The following LZTFL1 variants were observed in gnomAD, a reference collection of about 807,000 sequenced individuals.
LZTFL1 encodes leucine zipper transcription factor like 1, also known as leucine zipper transcription factor-like protein 1.
LZTFL1 carries 25 observed loss-of-function variants against 45.9 expected under a neutral mutation model. That is an observed-to-expected ratio of 0.54 (90% CI 0.40 to 0.76). The LOEUF (loss-of-function observed/expected upper bound fraction) is 0.76, where lower values mean the gene tolerates loss of function less well. Among genes scored for constraint, LZTFL1 ranks in the 30% least tolerant of loss-of-function variants. LZTFL1 has a pLI of 0.00. For missense variants in LZTFL1, 277 were observed against 331.1 expected, an observed-to-expected ratio of 0.84 and a Z score of 1.27; for synonymous variants, 93 against 117.4, an observed-to-expected ratio of 0.79 and a Z score of 1.35.
At chr3:45,876,201 G>C (rs1463542599) in intron 2 of LZTFL1, among the ~76,000 whole-genome samples, 2 of 152,192 alleles carry the variant, frequency 1.3e-5, no homozygotes, top group Non-Finnish European at 2.9e-5. Flanking sequence ...CAGGGACATA[G>C]GACAGCTCAA....
chr3:45,915,053 C>T (rs1702871271), intron 1 of LZTFL1, among the ~76,000 whole-genome samples: 1 of 152,202 alleles, frequency 6.6e-6, no homozygotes, highest in Admixed American at 6.5e-5. Context: ...ACCTCTGAGG[C>T]AGAGGAACAA....
At chr3:45,855,029 C>T (rs1194255545) in exon 4 of LZTFL1, 1 of 1,535,312 alleles carries the variant, frequency 6.5e-7, no homozygotes, top group Non-Finnish European at 8.7e-7. Context: ...GGAAAAGTCA[C>T]CAAAGGGTGG....
rs72884914 is a variant in LZTFL1, at chr3:45,890,412, G to A, written c.-215+22708C>T. Among the ~76,000 whole-genome samples the A allele has an allele frequency of 5.3e-3, 672 of 127,640 alleles. 19 individuals are homozygous for A. Among genetic ancestry groups the A allele is most frequent in the African/African-American group, 0.02 (639 of 32,386 alleles). The allele number at this position is 127,640 out of a possible 152,430, so 83.7% of individuals were successfully genotyped here. A position where few individuals can be genotyped will look rare whatever the true frequency, so the allele number is the denominator to read the frequency against. ...ATTGATATCTCAAAAATCAACCTCC[G>A]TATTCCCCAAGCTGTAATAAAATAA... On this transcript the variant is annotated intron_variant, in intron 2 of 4. Transcript: ENST00000472635.
intron 3 of LZTFL1, among the ~76,000 whole-genome samples, chr3:45,857,969 T>G (rs992750932): frequency 6.6e-6 from 1 of 152,240 alleles, no homozygotes; most frequent in African/African-American, 2.4e-5. Context: ...TTTTTCAAAT[T>G]GGTTAATCAT....
At chr3:45,858,159 A>G (rs34326463) in intron 3 of LZTFL1, among the ~76,000 whole-genome samples, 9,391 of 152,316 alleles carry the variant, frequency 0.062, 498 homozygotes, top group South Asian at 0.27. Flanking sequence ...AGAAGAATAA[A>G]TAAGTATATG....
At chr3:45,886,467 CT>C (rs1701984047) in intron 2 of LZTFL1, 2 of 152,228 alleles carry the variant, frequency 1.3e-5, no homozygotes, top group Admixed American at 6.5e-5. Flanking sequence ...CCCTCTTGGG[CT>C]ACCCCACCAG....
At chr3:45,880,713 G>A (rs373595875) in intron 2 of LZTFL1, among the ~76,000 whole-genome samples, 2 of 151,982 alleles carry the variant, frequency 1.3e-5, no homozygotes, top group East Asian at 3.9e-4. Context: ...CCTGCCAACT[G>A]TTCCCTCTGC....
intron 4 of LZTFL1, among the ~76,000 whole-genome samples, chr3:45,852,843 A>G (rs916977698): frequency 2.0e-5 from 3 of 152,178 alleles, no homozygotes; most frequent in African/African-American, 7.2e-5. Context: ...GCTCACCCCA[A>G]TCAAGGCACC....
intron 2 of LZTFL1, among the ~76,000 whole-genome samples, chr3:45,875,002 G>T (rs1701727873): frequency 6.6e-6 from 1 of 152,194 alleles, no homozygotes; most frequent in African/African-American, 2.4e-5. Context: ...AAGGTTAGTT[G>T]AAGAACTTCT....
At chr3:45,850,620 T>C (rs1244026958) in intron 4 of LZTFL1, among the ~76,000 whole-genome samples, 1 of 152,242 alleles carries the variant, frequency 6.6e-6, no homozygotes, top group Non-Finnish European at 1.5e-5. Flanking sequence ...CAGCTTCCAG[T>C]GACTGCCTTG....
At chr3:45,828,841 G>A (rs1238019959) in intron 7 of LZTFL1, among the ~76,000 whole-genome samples, 1 of 152,170 alleles carries the variant, frequency 6.6e-6, no homozygotes, top group Non-Finnish European at 1.5e-5. Flanking sequence ...CCGACACTCA[G>A]TAGCCACTGA....
At chr3:45,890,348 A>ATATTT (rs1184589760) in intron 2 of LZTFL1, among the ~76,000 whole-genome samples, 1 of 5,374 alleles carries the variant, frequency 1.9e-4, no homozygotes, top group Non-Finnish European at 2.9e-4. Flanking sequence ...ATATATATAT[A>ATATTT]ACATATATAT....
intron 2 of LZTFL1, among the ~76,000 whole-genome samples, chr3:45,904,618 C>G (rs1702642420): frequency 6.6e-6 from 1 of 152,218 alleles, no homozygotes; most frequent in East Asian, 1.9e-4. Flanking sequence ...TGTGGACCTT[C>G]CCCCAGGCCA....
intron 4 of LZTFL1, among the ~76,000 whole-genome samples, chr3:45,848,375 C>T (rs1330855567): frequency 1.3e-5 from 2 of 152,180 alleles, no homozygotes; most frequent in Non-Finnish European, 2.9e-5. Context: ...AATATCATGA[C>T]TTTGCTTACT....
At chr3:45,862,732 A>G (rs1482012560) in intron 2 of LZTFL1, among the ~76,000 whole-genome samples, 1 of 152,242 alleles carries the variant, frequency 6.6e-6, no homozygotes, top group African/African-American at 2.4e-5. Flanking sequence ...AGCTTTTGAC[A>G]TTGGATCTGA....
At chr3:45,834,355 G>T in intron 3 of LZTFL1, 57 bp from the exon 4 acceptor site, 1 of 1,163,330 alleles carries the variant, frequency 8.6e-7, no homozygotes, top group Non-Finnish European at 1.2e-6. Flanking sequence ...TATATCACAC[G>T]CAAGAAGAGT....
At chr3:45,859,294 T>C (rs1172514660) in intron 2 of LZTFL1, among the ~76,000 whole-genome samples, 1 of 152,224 alleles carries the variant, frequency 6.6e-6, no homozygotes, top group Non-Finnish European at 1.5e-5. Context: ...GGTGAGATAA[T>C]AGCTCCCTGC....
intron 5 of LZTFL1, among the ~76,000 whole-genome samples, chr3:45,832,095 C>T (rs1700838910): frequency 6.6e-6 from 1 of 151,882 alleles, no homozygotes; most frequent in Non-Finnish European, 1.5e-5. Context: ...ATTAGCCGGG[C>T]GTGGTGGCAG....
intron 2 of LZTFL1, among the ~76,000 whole-genome samples, chr3:45,905,000 C>T (rs1020839999): frequency 1.3e-5 from 2 of 152,210 alleles, no homozygotes; most frequent in African/African-American, 4.8e-5. Flanking sequence ...TTCTCCTATA[C>T]ATTGGACAGC....
Sources: allele counts gnomAD v4.1 joint callset (sites outside exome capture counted in the v4.1 genomes callset), GRCh38; gene constraint gnomAD v4.1.1; transcripts MANE v1.5; gene names NCBI Gene and HGNC (gene_info 2026-07-23, HGNC 2026-07-21).